The following LBR variants were observed in gnomAD, a reference collection of about 807,000 sequenced individuals.
The protein encoded by LBR is delta(14)-sterol reductase LBR.
Under a neutral mutation model 74.3 loss-of-function variants are expected in LBR, and 28 were observed. The ratio of observed to expected loss-of-function variants is 0.38; its 90% CI spans 0.28 to 0.52. The LOEUF is 0.52. LBR is among the 20% of genes least tolerant of loss of function. The probability of loss-of-function intolerance (pLI) is 0.89; values close to 1 mark genes in which losing one functional copy is unlikely to be tolerated. For synonymous variants in LBR, 228 were observed against 269.3 expected (o/e 0.85, Z 1.50); for missense variants, 717 against 760.3 (o/e 0.94, Z 0.67).
In LBR at chr1:225,401,571, CAAAAACAAACTT is replaced by C. The variant is rs2096082061; in HGVS notation, c.*1720_*1731del. The C allele has an allele frequency of 6.6e-6, 1 of 152,106 alleles. No individual in the cohort carries two copies. The highest frequency in any genetic ancestry group is 2.4e-5 in the African/African-American group (1 of 41,506). 9.4% of individuals were successfully genotyped at this position (152,106 alleles called of 1,614,324 possible). ...TATAAAATTTGCCAAATAAACATGT[CAAAAACAAACTT>C]AAAAACAAAGTGTAGCTGATATCCA... On this transcript the variant is annotated 3_prime_UTR_variant, in exon 14 of 14. Transcript: ENST00000272163.
chr1:225,418,594 G>A (rs1053302033), intron 5 of LBR, among the ~76,000 whole-genome samples: 1 of 152,178 alleles, frequency 6.6e-6, no homozygotes, highest in African/African-American at 2.4e-5. Flanking sequence ...TTAAAATAGT[G>A]TCACGTTCAT....
intron 4 of LBR, 58 bp from the exon 5 acceptor site, chr1:225,419,510 T>C (rs2096123764): frequency 8.5e-7 from 1 of 1,176,226 alleles, no homozygotes; most frequent in Middle Eastern, 2.5e-4. Flanking sequence ...TTAATGCTAC[T>C]GCATTAACTA....
chr1:225,401,753 A>T lies in LBR; in HGVS notation c.*1550T>A, dbSNP rs1164362715. 1 of 152,204 alleles carries T rather than the reference A, an allele frequency of 6.6e-6. No homozygotes were observed. Among genetic ancestry groups the T allele is most frequent in the Non-Finnish European group, 1.5e-5 (1 of 68,036 alleles). The allele number at this position is 152,204 out of a possible 1,614,324, so 9.4% of individuals were successfully genotyped here. A position where few individuals can be genotyped will look rare whatever the true frequency, so the allele number is the denominator to read the frequency against. ...TCTGATGCCAGGAGAAAAGCAAAAT[A>T]AAAAAACTGCTTGCACACATTAGCA... On this transcript the variant is annotated 3_prime_UTR_variant, in exon 14 of 14. Transcript: ENST00000272163.
intron 1 of LBR, among the ~76,000 whole-genome samples, chr1:225,425,234 C>A (rs1223512215): frequency 6.7e-6 from 1 of 148,684 alleles, no homozygotes; most frequent in African/African-American, 2.5e-5. Flanking sequence ...GGGGGGGAGG[C>A]GGGGTGAGGG....
At chr1:225,410,512 G>A in intron 9 of LBR, 96 bp from the exon 10 acceptor site, 2 of 1,345,744 alleles carry the variant, frequency 1.5e-6, no homozygotes, top group South Asian at 1.2e-5. Context: ...GAGACACCTG[G>A]CAGACGCCAC....
chr1:225,428,382 C>T (rs2096145620), upstream of LBR, among the ~76,000 whole-genome samples: 1 of 152,242 alleles, frequency 6.6e-6, no homozygotes, highest in Non-Finnish European at 1.5e-5. Flanking sequence ...CGCCCTTTCC[C>T]TCCCAGCGCT....
At chr1:225,409,228 A>G (rs2096099302) in intron 10 of LBR, among the ~76,000 whole-genome samples, 2 of 152,198 alleles carry the variant, frequency 1.3e-5, no homozygotes. Context: ...AAGTGGTAGG[A>G]GCGCAACAGG....
chr1:225,403,345 G>C lies in LBR; in HGVS notation c.1806C>G (p.Tyr602Ter). 6.2e-7 allele frequency: 1 copy of C among 1,613,594 alleles called. No homozygotes were observed. The highest frequency in any genetic ancestry group is 8.5e-7 in the Non-Finnish European group (1 of 1,179,946). ...KKKYGVAWEK[Y>*]CQRVPYRIFP... ...ATATACGGTAGGGCACACGCTGACA[G>C]TACTTTTCCCAAGCCACGCCGTATT... The change falls in exon 14 of 14, where the codon TAC (tyrosine) becomes TAG (stop). Residue 602 changes from tyrosine (Y) to a stop codon, truncating the protein, a stop_gained. Coordinates refer to ENST00000272163, the MANE Select transcript of LBR (RefSeq NM_002296.4). LOFTEE classifies it high-confidence loss of function.
At chr1:225,419,689 C>T in intron 4 of LBR, 26 bp downstream of exon 4, 1 of 1,537,724 alleles carries the variant, frequency 6.5e-7, no homozygotes, top group Admixed American at 1.8e-5. Flanking sequence ...AAAAAACAAC[C>T]AAGATGAAAG....
intron 3 of LBR, 55 bp from the exon 4 acceptor site, chr1:225,419,853 AAC>A: frequency 8.0e-7 from 1 of 1,250,658 alleles, no homozygotes; most frequent in Non-Finnish European, 1.2e-6. Flanking sequence ...ATTAAAAAGA[AAC>A]ATGATGGTAA....
At chr1:225,408,831 T>C (rs541913901) in intron 10 of LBR, among the ~76,000 whole-genome samples, 9 of 152,342 alleles carry the variant, frequency 5.9e-5, no homozygotes, top group South Asian at 2.1e-4. Flanking sequence ...AAGTCAATGT[T>C]TGGCTAAATC....
intron 10 of LBR, 136 bp from the exon 11 acceptor site, chr1:225,406,968 G>C (rs930855095): frequency 3.8e-6 from 3 of 788,412 alleles, no homozygotes; most frequent in Non-Finnish European, 6.5e-6. Context: ...AAAGGGGAGA[G>C]AGATCTGGTT....
At chr1:225,413,934 A>T (rs1056160717) in intron 7 of LBR, 15 of 456,792 alleles carry the variant, frequency 3.3e-5, no homozygotes, top group Non-Finnish European at 6.2e-5. Context: ...AAGTGAAAAT[A>T]TAACACAAGA....
intron 11 of LBR, 34 bp from the exon 12 acceptor site, chr1:225,404,740 CT>C: frequency 7.4e-7 from 1 of 1,347,318 alleles, no homozygotes; most frequent in African/African-American, 1.4e-5. Context: ...ATGTTAATAA[CT>C]TAGTTATACT....
intron 6 of LBR, among the ~76,000 whole-genome samples, chr1:225,416,991 TA>T (rs1216015486): frequency 6.6e-6 from 1 of 152,104 alleles, no homozygotes; most frequent in Non-Finnish European, 1.5e-5. Flanking sequence ...TGCATAATAT[TA>T]ATATATATTT....
chr1:225,426,161 T>C (rs2096138739), intron 1 of LBR, among the ~76,000 whole-genome samples: 1 of 152,212 alleles, frequency 6.6e-6, no homozygotes, highest in African/African-American at 2.4e-5. Flanking sequence ...CATTATCTTA[T>C]ACACAAATGT....
At chr1:225,422,551 T>C (rs544578785) in intron 2 of LBR, 143 of 436,822 alleles carry the variant, frequency 3.3e-4, no homozygotes, top group Non-Finnish European at 3.6e-4. Context: ...GCTGTACTTA[T>C]TTCCAACACC....
intron 1 of LBR, 63 bp downstream of exon 1, chr1:225,427,891 C>G (rs2096143688): frequency 2.6e-5 from 4 of 152,154 alleles, no homozygotes; most frequent in Admixed American, 6.5e-5. Context: ...CTTCCTCCCC[C>G]AGCGGCCCCT....
Position 225,418,072 on chromosome 1 carries a change from A to G in LBR, c.749T>C (p.Leu250Ser). 6.2e-7 allele frequency: 1 copy of G among 1,614,226 alleles called. No individual in the cohort carries two copies. Among genetic ancestry groups the G allele is most frequent in the South Asian group, 1.1e-5 (1 of 91,090 alleles). Residue 250 changes from leucine to serine, a missense_variant, in exon 6 of 14, where the codon TTG (leucine) becomes TCG (serine). Coordinates refer to ENST00000272163, the MANE Select transcript of LBR (RefSeq NM_002296.4). ...TACTCTGGTTTCCCATAACTCATACAAAGCTGGCAAAGGAGGAGGGAAATT... is the reference window on the plus strand; with the variant it reads ...TACTCTGGTTTCCCATAACTCATACGAAGCTGGCAAAGGAGGAGGGAAATT... ...LLNFPPPLPA[L>S]YELWETRVFG...
Sources: gnomAD v4.1 joint callset for allele counts (sites outside exome capture counted in the v4.1 genomes callset) on GRCh38, gnomAD v4.1.1 for gene constraint, MANE v1.5 for transcripts, NCBI Gene and HGNC (gene_info 2026-07-23, HGNC 2026-07-21) for gene names.